The following MAP7D2 variants were observed in gnomAD, a reference collection of about 807,000 sequenced individuals.
MAP7D2 encodes MAP7 domain containing 2.
A neutral mutation model predicts 63.5 loss-of-function variants in MAP7D2; 33 were observed. The ratio of observed to expected loss-of-function variants is 0.52; its 90% CI spans 0.39 to 0.70. MAP7D2 has a LOEUF of 0.70. Ranked by LOEUF, MAP7D2 falls within the 30% of genes least tolerant of loss-of-function variation. The pLI is 0.00. For missense variants in MAP7D2, 626 were observed against 604.0 expected, an observed-to-expected ratio of 1.04 and a Z score of -0.38; for synonymous variants, 224 against 223.7, an observed-to-expected ratio of 1.00 and a Z score of -0.01.
intron 3 of MAP7D2, among the ~76,000 whole-genome samples, chrX:20,060,458 GAA>G (rs2065190277): frequency 9.3e-6 from 1 of 107,754 alleles, no homozygotes; most frequent in Non-Finnish European, 1.9e-5. Flanking sequence ...AAGAAAGAAA[GAA>G]AGAAAGAAAG....
intron 13 of MAP7D2, 78 bp from the exon 14 acceptor site, chrX:20,013,210 G>T (rs772733211): frequency 6.6e-6 from 5 of 756,064 alleles, no homozygotes; most frequent in Non-Finnish European, 1.0e-5. Context: ...AAAAGCATCC[G>T]ATGATATTTT....
intron 1 of MAP7D2, among the ~76,000 whole-genome samples, chrX:20,067,426 T>A (rs531425294): frequency 3.6e-5 from 4 of 111,209 alleles, no homozygotes; most frequent in African/African-American, 1.3e-4. Context: ...ATCTTTATTA[T>A]CATGCTCACA....
In MAP7D2 at chrX:20,060,434, GAAAGAAAGAA is replaced by G. The variant is rs1223196458; in HGVS notation, c.372+2970_372+2979del. ...AAAAGAAAAGAGAGAGAGAGAGAGA[GAAAGAAAGAA>G]AGAAAGAAAGAAAGAAAGAAAGAAA... On this transcript the variant is annotated intron_variant, in intron 3 of 16. Transcript: ENST00000379643. Among the ~76,000 whole-genome samples, 20 of 22,013 alleles carry G rather than the reference GAAAGAAAGAA, an allele frequency of 9.1e-4. No individual in the cohort carries two copies. The East Asian group carries it at 0.022, about 24-fold the overall frequency. The allele number at this position is 22,013 out of a possible 115,157, so 19.1% of individuals were successfully genotyped here. A position where few individuals can be genotyped will look rare whatever the true frequency, so the allele number is the denominator to read the frequency against.
At chrX:20,058,449 A>G (rs1294242610) in intron 3 of MAP7D2, among the ~76,000 whole-genome samples, 1 of 112,141 alleles carries the variant, frequency 8.9e-6, no homozygotes, top group Non-Finnish European at 1.9e-5. Context: ...TCCCTTCTCT[A>G]CTAGGGGACC....
At chrX:20,023,867 G>A (rs1171563482) in intron 10 of MAP7D2, among the ~76,000 whole-genome samples, 1 of 111,210 alleles carries the variant, frequency 9.0e-6, no homozygotes, top group Non-Finnish European at 1.9e-5. Flanking sequence ...AACAAAACAC[G>A]TCTGTATTGA....
intron 8 of MAP7D2, among the ~76,000 whole-genome samples, chrX:20,039,462 A>C (rs1245383211): frequency 8.9e-6 from 1 of 112,051 alleles, no homozygotes; most frequent in Non-Finnish European, 1.9e-5. Flanking sequence ...TTACGACCTT[A>C]TTATTTGTCT....
intron 2 of MAP7D2, 94 bp from the exon 3 acceptor site, chrX:20,063,671 A>G (rs1179158930): frequency 1.0e-6 from 1 of 955,768 alleles, no homozygotes; most frequent in African/African-American, 2.0e-5. Flanking sequence ...GCAGAGCCCT[A>G]AAAAGAGCCT....
At chrX:20,092,588 G>T (rs1247776501) in intron 1 of MAP7D2, among the ~76,000 whole-genome samples, 3 of 111,964 alleles carry the variant, frequency 2.7e-5, no homozygotes, top group Non-Finnish European at 5.6e-5. Flanking sequence ...AACTTATTTT[G>T]CCAGGATGGT....
intron 3 of MAP7D2, among the ~76,000 whole-genome samples, chrX:20,063,026 A>G (rs758598932): frequency 5.3e-4 from 57 of 108,365 alleles, no homozygotes; most frequent in Non-Finnish European, 9.2e-4. Context: ...ATCTCCTCTG[A>G]GTCTTTTTTT....
At chrX:20,098,306 C>A (rs1470569157) in intron 1 of MAP7D2, among the ~76,000 whole-genome samples, 1 of 112,246 alleles carries the variant, frequency 8.9e-6, no homozygotes, top group Non-Finnish European at 1.9e-5. Context: ...AGTGGCCAAG[C>A]CAGTAGGTGA....
intron 6 of MAP7D2, among the ~76,000 whole-genome samples, chrX:20,047,262 C>G (rs1386448499): frequency 1.8e-5 from 2 of 112,748 alleles, no homozygotes; most frequent in Non-Finnish European, 3.8e-5. Context: ...ACACTGGGAA[C>G]TGACTGACCA....
intron 1 of MAP7D2, among the ~76,000 whole-genome samples, chrX:20,109,519 CAAAA>C (rs60683453): frequency 9.1e-5 from 3 of 32,982 alleles, no homozygotes; most frequent in African/African-American, 3.4e-4. Flanking sequence ...GACTCCGTCT[CAAAA>C]AAAAAAAAAA....
At chrX:20,105,384 G>A (rs778469123) in intron 1 of MAP7D2, among the ~76,000 whole-genome samples, 1 of 111,277 alleles carries the variant, frequency 9.0e-6, no homozygotes, top group Admixed American at 9.6e-5. Flanking sequence ...CAGACCAACT[G>A]CTCAGGAAGG....
intron 1 of MAP7D2, among the ~76,000 whole-genome samples, chrX:20,087,854 A>G (rs1440051392): frequency 1.1e-5 from 1 of 93,715 alleles, no homozygotes; most frequent in Non-Finnish European, 2.1e-5. Context: ...CTTTTAACTT[A>G]TGGATCCAGC....
intron 3 of MAP7D2, among the ~76,000 whole-genome samples, chrX:20,059,713 G>C (rs776422770): frequency 5.6e-5 from 6 of 106,938 alleles, no homozygotes; most frequent in Non-Finnish European, 1.2e-4. Flanking sequence ...AGGAAGGAAG[G>C]AAGGAAAGAA....
chrX:20,105,474 T>C (rs775273659), intron 1 of MAP7D2, among the ~76,000 whole-genome samples: 6 of 111,578 alleles, frequency 5.4e-5, no homozygotes, highest in Non-Finnish European at 1.1e-4. Flanking sequence ...AGGCCATCTG[T>C]AACTAATGGC....
At chrX:20,035,512 A>G (rs750039390) in intron 8 of MAP7D2, among the ~76,000 whole-genome samples, 60 of 111,923 alleles carry the variant, frequency 5.4e-4, no homozygotes, top group African/African-American at 1.7e-3. Flanking sequence ...TCTAAATTAA[A>G]CTGCATAAAA....
chrX:20,033,887 A>T (rs780517816), intron 8 of MAP7D2, among the ~76,000 whole-genome samples: 34 of 111,964 alleles, frequency 3.0e-4, no homozygotes, highest in African/African-American at 1.1e-3. Flanking sequence ...TTTTCCAACA[A>T]TGAGTATGCA....
chrX:20,073,273 T>A (rs1426554123), intron 1 of MAP7D2, among the ~76,000 whole-genome samples: 1 of 111,961 alleles, frequency 8.9e-6, no homozygotes, highest in African/African-American at 3.2e-5. Context: ...CTATAAAGTA[T>A]CTTTGTCACA....
Sources: gnomAD v4.1 joint callset for allele counts (sites outside exome capture counted in the v4.1 genomes callset) on GRCh38, gnomAD v4.1.1 for gene constraint, MANE v1.5 for transcripts, NCBI Gene and HGNC (gene_info 2026-07-23, HGNC 2026-07-21) for gene names.